Variants in PDE9A observed in about 807,000 individuals in gnomAD.
PDE9A encodes high affinity cGMP-specific 3',5'-cyclic phosphodiesterase 9A.
PDE9A carries 60 observed loss-of-function variants against 87.4 expected under a neutral mutation model. The observed-to-expected ratio is 0.69, with a 90% confidence interval of 0.56 to 0.85. The LOEUF is 0.85. Among genes scored for constraint, PDE9A ranks in the 40% least tolerant of loss-of-function variants. The probability of loss-of-function intolerance (pLI) is 0.00; values close to 1 mark genes in which losing one functional copy is unlikely to be tolerated. For synonymous variants in PDE9A, 272 were observed against 279.4 expected, an observed-to-expected ratio of 0.97 and a Z score of 0.27; for missense variants, 665 against 779.0, an observed-to-expected ratio of 0.85 and a Z score of 1.74.
chr21:42,733,002 T>A (rs1350670232), intron 6 of PDE9A, among the ~76,000 whole-genome samples: 1 of 152,242 alleles, frequency 6.6e-6, no homozygotes, highest in Non-Finnish European at 1.5e-5. Context: ...CGAAGGTGTC[T>A]GTGCCCATCA....
At chr21:42,726,592 CCATATATATATATATA>C (rs2051066978) in intron 4 of PDE9A, among the ~76,000 whole-genome samples, 2 of 74,238 alleles carry the variant, frequency 2.7e-5, no homozygotes, top group East Asian at 2.9e-4. Context: ...CCACGCCTGG[CCATATATATATATATA>C]TATATATATA....
intron 4 of PDE9A, among the ~76,000 whole-genome samples, chr21:42,721,907 T>C (rs2050569288): frequency 6.6e-6 from 1 of 152,056 alleles, no homozygotes. Context: ...TGAATTATTT[T>C]CCCTAATGCA....
intron 1 of PDE9A, among the ~76,000 whole-genome samples, chr21:42,657,127 G>A (rs2269127): frequency 0.2 from 30,539 of 152,250 alleles, 4,004 homozygotes; most frequent in African/African-American, 0.37. Context: ...CAGGCTTTGT[G>A]GGCTTTGTGG....
At chr21:42,756,408 G>A (rs1433565728) in intron 10 of PDE9A, among the ~76,000 whole-genome samples, 3 of 152,186 alleles carry the variant, frequency 2.0e-5, no homozygotes, top group African/African-American at 7.2e-5. Context: ...ACGTCAGGGC[G>A]CCTAAAAGTG....
At chr21:42,689,613 G>A in intron 3 of PDE9A, 1 of 985,466 alleles carries the variant, frequency 1.0e-6, no homozygotes, top group South Asian at 4.7e-5. Flanking sequence ...GAAACAGCGT[G>A]CAGAGACATT....
Position 42,754,970 on chromosome 21 carries a change from C to CA in PDE9A, c.810+914dup, listed in dbSNP as rs553010151. 1.2e-3 allele frequency among the ~76,000 whole-genome samples: 179 copies of CA among 151,490 alleles called. 1 individual carries two copies. The highest frequency in any genetic ancestry group is 2.4e-3 in the African/African-American group (100 of 41,354). On this transcript the variant is annotated intron_variant, in intron 10 of 19. Transcript: ENST00000291539. Reference sequence around the variant, plus strand: ...GCAACATAGCAAGACCTCGTCGCTACAAAAAAAAGGTGTTAAAATTCCTAT... The same window carrying CA: ...GCAACATAGCAAGACCTCGTCGCTACAAAAAAAAAGGTGTTAAAATTCCTAT...
chr21:42,681,196 T>C (rs530882349), intron 1 of PDE9A, among the ~76,000 whole-genome samples: 1 of 152,358 alleles, frequency 6.6e-6, no homozygotes, highest in South Asian at 2.1e-4. Flanking sequence ...TCCCACTGGT[T>C]ATGCGCTTGC....
At chr21:42,670,585 GCATA>G (rs2058477539) in intron 1 of PDE9A, among the ~76,000 whole-genome samples, 1 of 148,640 alleles carries the variant, frequency 6.7e-6, no homozygotes. Context: ...CCACATACAC[GCATA>G]CACTTACACA....
chr21:42,765,261 A>G, intron 14 of PDE9A, 120 bp from the exon 15 acceptor site: 1 of 612,400 alleles, frequency 1.6e-6, no homozygotes, highest in Middle Eastern at 2.7e-4. Context: ...GGATGCACAT[A>G]TGAATCGGAA....
At position 42,762,113 on chromosome 21, in the gene PDE9A, G is replaced by T. The variant is rs760638698; in HGVS notation, c.1116G>T (p.Ala372=). The change falls in exon 14 of 20, where the codon GCG becomes GCT. Residue 372 remains alanine, a synonymous_variant. Coordinates refer to ENST00000291539, the MANE Select transcript of PDE9A (RefSeq NM_002606.3). ...AGATCAATGCCCGCACAGAGCTGGC[G>T]GTCCGCTACAATGACATCTCACCGC... ...TYQINARTEL[A]VRYNDISPLE... is the part of the protein sequence containing the mutation. 4 of 1,614,072 alleles carry T rather than the reference G, an allele frequency of 2.5e-6. No individual in the cohort carries two copies. The South Asian group carries it at 4.4e-5, about 18-fold the overall frequency.
At chr21:42,673,808 A>G (rs1335993180) in intron 1 of PDE9A, among the ~76,000 whole-genome samples, 1 of 152,166 alleles carries the variant, frequency 6.6e-6, no homozygotes, top group Non-Finnish European at 1.5e-5. Context: ...CTTTGCAGAC[A>G]TGGGCCAGCC....
intron 1 of PDE9A, among the ~76,000 whole-genome samples, chr21:42,676,078 G>A (rs2058831219): frequency 1.3e-5 from 2 of 152,172 alleles, no homozygotes; most frequent in Admixed American, 6.5e-5. Context: ...CCTTCATCAT[G>A]TGATATGCCT....
rs995255721 is a variant in PDE9A at position 42,668,484 on chromosome 21, C to A, written c.69+14601C>A. On this transcript the variant is annotated intron_variant, in intron 1 of 19. Transcript: ENST00000291539. ...CAGGAGTCAAGCAGATTGCAACTGG[C>A]GAGAGGCCTTCAGAAATGCCCCGTG... is the stretch of plus-strand genomic sequence containing the variant. 4.6e-5 allele frequency among the ~76,000 whole-genome samples: 7 copies of A among 152,290 alleles called. No homozygotes were observed. In the East Asian group the frequency reaches 9.6e-4, roughly 21 times the overall value.
intron 4 of PDE9A, among the ~76,000 whole-genome samples, chr21:42,706,656 A>T (rs893178443): frequency 1.3e-5 from 2 of 151,986 alleles, no homozygotes; most frequent in Non-Finnish European, 2.9e-5. Context: ...AAAAAAAAAA[A>T]TTGTACAACC....
intron 1 of PDE9A, among the ~76,000 whole-genome samples, chr21:42,673,529 A>G (rs750768551): frequency 9.2e-5 from 14 of 152,230 alleles, no homozygotes; most frequent in Non-Finnish European, 1.8e-4. Context: ...CAGAATTGTG[A>G]TACCGTCCTA....
chr21:42,681,077 T>C (rs1247542479), intron 1 of PDE9A, among the ~76,000 whole-genome samples: 1 of 152,238 alleles, frequency 6.6e-6, no homozygotes. Flanking sequence ...CCAGTAGTGT[T>C]TTGTGTAATT....
intron 4 of PDE9A, among the ~76,000 whole-genome samples, chr21:42,714,000 T>TG (rs1445462293): frequency 2.7e-5 from 4 of 147,692 alleles, no homozygotes; most frequent in Admixed American, 6.9e-5. Context: ...TTGTTAAAAC[T>TG]TTTTTTTTCA....
chr21:42,758,898 C>T (rs1047289775), intron 10 of PDE9A, 101 bp from the exon 11 acceptor site: 11 of 837,708 alleles, frequency 1.3e-5, no homozygotes, highest in African/African-American at 3.3e-5. Context: ...CTCCTGCCAA[C>T]GGCCCTGCTG....
chr21:42,671,522 G>T (rs2058561406), intron 1 of PDE9A, among the ~76,000 whole-genome samples: 1 of 152,132 alleles, frequency 6.6e-6, no homozygotes, highest in Admixed American at 6.5e-5. Context: ...TTACTGTTAA[G>T]TATTCTAAAA....
Sources: gnomAD v4.1 joint callset for allele counts (sites outside exome capture counted in the v4.1 genomes callset) on GRCh38, gnomAD v4.1.1 for gene constraint, MANE v1.5 for transcripts, NCBI Gene and HGNC (gene_info 2026-07-23, HGNC 2026-07-21) for gene names.